Variants in MSI2 observed in about 807,000 individuals in gnomAD.
MSI2 encodes musashi RNA binding protein 2.
MSI2 carries 17 observed loss-of-function variants against 45.6 expected under a neutral mutation model. That is an observed-to-expected ratio of 0.37 (90% CI 0.26 to 0.56). The LOEUF is 0.56. Among genes scored for constraint, MSI2 ranks in the 20% least tolerant of loss-of-function variants. The pLI, the probability that MSI2 is intolerant of heterozygous loss-of-function variation, is 0.77. For missense variants in MSI2, 293 were observed against 444.2 expected (o/e 0.66, Z 3.06); for synonymous variants, 156 against 158.2 (o/e 0.99, Z 0.11).
rs571466558 is a variant in MSI2, at chr17:57,376,952, G to A, written c.313-24427G>A. On this transcript the variant is annotated intron_variant, in intron 5 of 13. Transcript: ENST00000284073. ...TTTTTTTTTTTTGAGACGGAGTCTC[G>A]CTCTGTCCCCCAGGCTGGAGGGCAG... is the stretch of plus-strand genomic sequence containing the variant. Among the ~76,000 whole-genome samples the A allele has an allele frequency of 1.9e-3, 274 of 141,458 alleles. 1 individual carries two copies. Among genetic ancestry groups the A allele is most frequent in the African/African-American group, 6.7e-3 (253 of 37,736 alleles). 92.8% of individuals were successfully genotyped at this position (141,458 alleles called of 152,430 possible).
At chr17:57,362,485 T>C (rs1009866835) in intron 5 of MSI2, among the ~76,000 whole-genome samples, 1 of 152,246 alleles carries the variant, frequency 6.6e-6, no homozygotes, top group African/African-American at 2.4e-5. Context: ...GACCCAATTC[T>C]GTTTGCCCAG....
chr17:57,341,345 A>G (rs924806519), intron 5 of MSI2, among the ~76,000 whole-genome samples: 3 of 152,234 alleles, frequency 2.0e-5, no homozygotes, highest in Non-Finnish European at 4.4e-5. Context: ...TGCATTTAAA[A>G]GAAAGGTAAT....
intron 9 of MSI2, among the ~76,000 whole-genome samples, chr17:57,620,433 A>G (rs1170329002): frequency 6.6e-6 from 1 of 152,216 alleles, no homozygotes; most frequent in Non-Finnish European, 1.5e-5. Flanking sequence ...TGGCTGCAAG[A>G]TAGATCCCAC....
chr17:57,445,784 G>A (rs1012745149), intron 6 of MSI2, among the ~76,000 whole-genome samples: 7 of 152,242 alleles, frequency 4.6e-5, no homozygotes, highest in African/African-American at 1.2e-4. Flanking sequence ...GTGTCTCCCC[G>A]AATTCCAAAG....
intron 11 of MSI2, among the ~76,000 whole-genome samples, chr17:57,666,267 G>A (rs574050071): frequency 1.3e-5 from 2 of 152,332 alleles, no homozygotes; most frequent in South Asian, 4.1e-4. Flanking sequence ...ACACTGTGTG[G>A]CATTGGACAC....
chr17:57,667,951 C>A (rs12150553), intron 11 of MSI2, among the ~76,000 whole-genome samples: 34,283 of 152,162 alleles, frequency 0.23, 4,713 homozygotes, highest in East Asian at 0.4. Flanking sequence ...GTAATCCCAG[C>A]ACTTTGGGAG....
chr17:57,378,979 T>C (rs2083550466), intron 5 of MSI2, among the ~76,000 whole-genome samples: 1 of 152,146 alleles, frequency 6.6e-6, no homozygotes, highest in African/African-American at 2.4e-5. Context: ...GCCATCAGCC[T>C]GCGTGTGGGG....
intron 7 of MSI2, among the ~76,000 whole-genome samples, chr17:57,579,393 C>T (rs147346450): frequency 8.5e-5 from 13 of 152,274 alleles, no homozygotes; most frequent in African/African-American, 2.9e-4. Flanking sequence ...GTGGGAGAGG[C>T]GGTGGCTCCC....
intron 6 of MSI2, among the ~76,000 whole-genome samples, chr17:57,477,145 GGT>G (rs59127306): frequency 0.11 from 13,519 of 117,962 alleles, 694 homozygotes; most frequent in African/African-American, 0.17. Context: ...CATAAGGCCT[GGT>G]GTGTGTGTGT....
At chr17:57,315,921 C>T (rs1042412754) in intron 5 of MSI2, among the ~76,000 whole-genome samples, 8 of 152,092 alleles carry the variant, frequency 5.3e-5, no homozygotes, top group East Asian at 1.9e-4. Context: ...AGGGTGTACA[C>T]GGGCTGTGTG....
intron 5 of MSI2, chr17:57,265,518 TATAA>T (rs1907691191): frequency 6.6e-6 from 1 of 152,194 alleles, no homozygotes; most frequent in Non-Finnish European, 1.5e-5. Context: ...TAATGTATCA[TATAA>T]ATAAAAATCT....
At chr17:57,472,986 G>A (rs953983858) in intron 6 of MSI2, among the ~76,000 whole-genome samples, 6 of 151,608 alleles carry the variant, frequency 4.0e-5, no homozygotes, top group Admixed American at 6.6e-5. Flanking sequence ...TCTGCCTCCC[G>A]GGTTCAAGTG....
chr17:57,566,835 G>A (rs2087744850), intron 7 of MSI2, among the ~76,000 whole-genome samples: 3 of 152,282 alleles, frequency 2.0e-5, no homozygotes, highest in South Asian at 2.1e-4. Flanking sequence ...CAAGGGCCTC[G>A]TACAGCCAAT....
chr17:57,436,118 C>T (rs547127133), intron 6 of MSI2, among the ~76,000 whole-genome samples: 35 of 152,208 alleles, frequency 2.3e-4, no homozygotes, highest in African/African-American at 5.3e-4. Context: ...ATTGTGGAAG[C>T]GGGTATCACT....
At chr17:57,503,378 G>T (rs1598341842) in intron 6 of MSI2, among the ~76,000 whole-genome samples, 1 of 152,064 alleles carries the variant, frequency 6.6e-6, no homozygotes, top group Admixed American at 6.5e-5. Context: ...GCTAGGAAAA[G>T]GTCTGAAAAT....
At chr17:57,406,717 A>C (rs542891152) in intron 6 of MSI2, 6 of 152,366 alleles carry the variant, frequency 3.9e-5, no homozygotes, top group Admixed American at 6.5e-5. Flanking sequence ...TGCTAAGCTG[A>C]AACGACTCTG....
At chr17:57,352,448 C>CG (rs1048093015) in intron 5 of MSI2, among the ~76,000 whole-genome samples, 3 of 152,060 alleles carry the variant, frequency 2.0e-5, no homozygotes, top group Admixed American at 6.5e-5. Context: ...AAGACCTTGG[C>CG]GGAAAAGAGA....
chr17:57,285,159 C>T (rs1341576551), intron 5 of MSI2, among the ~76,000 whole-genome samples: 3 of 152,076 alleles, frequency 2.0e-5, no homozygotes, highest in Non-Finnish European at 4.4e-5. Flanking sequence ...GAGCCCAGTG[C>T]GGAGGGGACC....
At chr17:57,476,177 T>C (rs1451880037) in intron 6 of MSI2, among the ~76,000 whole-genome samples, 4 of 152,218 alleles carry the variant, frequency 2.6e-5, no homozygotes, top group Non-Finnish European at 5.9e-5. Context: ...TATAGGGCTA[T>C]CCAAGCTGAT....
Sources: gnomAD v4.1 joint callset for allele counts (sites outside exome capture counted in the v4.1 genomes callset) on GRCh38, gnomAD v4.1.1 for gene constraint, MANE v1.5 for transcripts, NCBI Gene and HGNC (gene_info 2026-07-23, HGNC 2026-07-21) for gene names.